PRPF18: variants seen among roughly 807,000 people sequenced by gnomAD.
PRPF18 encodes pre-mRNA processing factor 18.
In PRPF18, 38 loss-of-function variants were observed where a neutral mutation model predicts 46.5. The ratio of observed to expected loss-of-function variants is 0.82; its 90% CI spans 0.63 to 1.07. The LOEUF (loss-of-function observed/expected upper bound fraction) is 1.07, where lower values mean the gene tolerates loss of function less well. Among genes scored for constraint, PRPF18 ranks in the 50% least tolerant of loss-of-function variants. The pLI is 0.00. For missense variants in PRPF18, 263 were observed against 410.0 expected, an observed-to-expected ratio of 0.64 and a Z score of 3.10; for synonymous variants, 152 against 146.7, an observed-to-expected ratio of 1.04 and a Z score of -0.26.
chr10:13,643,996 T>C, the PRPF18 span: 1 of 152,670 alleles, frequency 6.6e-6, no homozygotes, highest in Non-Finnish European at 1.5e-5. Flanking sequence ...TTGACATTAA[T>C]GTATATGTAA....
intron 9 of PRPF18, among the ~76,000 whole-genome samples, chr10:13,625,636 C>T (rs1269143804): frequency 1.3e-5 from 2 of 152,102 alleles, no homozygotes; most frequent in Admixed American, 1.3e-4. Context: ...CTTAATACAG[C>T]GCAAATGAAT....
At chr10:13,648,071 G>C in the PRPF18 span, 1 of 152,260 alleles carries the variant, frequency 6.6e-6, no homozygotes. Context: ...TATTTCATTT[G>C]CTAACCTCTC....
chr10:13,615,137 G>A (rs1373159106), intron 8 of PRPF18, among the ~76,000 whole-genome samples: 1 of 152,206 alleles, frequency 6.6e-6, no homozygotes, highest in Non-Finnish European at 1.5e-5. Flanking sequence ...TCTGTCAGTT[G>A]CATGATTCTT....
the PRPF18 span, chr10:13,640,824 G>A: frequency 6.6e-6 from 1 of 152,566 alleles, no homozygotes; most frequent in African/African-American, 2.4e-5. Flanking sequence ...CATGATAGTA[G>A]CTGCCCTGGA....
intron 9 of PRPF18, among the ~76,000 whole-genome samples, chr10:13,629,213 G>A (rs1343787560): frequency 6.6e-6 from 1 of 152,182 alleles, no homozygotes; most frequent in Non-Finnish European, 1.5e-5. Context: ...TGTGTGTATT[G>A]TAGTTGTCTA....
At chr10:13,649,711 A>G in the PRPF18 span, 2 of 152,148 alleles carry the variant, frequency 1.3e-5, no homozygotes, top group African/African-American at 4.8e-5. Flanking sequence ...TGGGGAAGAG[A>G]CCCTTGTTCT....
chr10:13,591,982 G>A (rs1314222883), intron 1 of PRPF18: 21 of 942,308 alleles, frequency 2.2e-5, no homozygotes, highest in Non-Finnish European at 3.3e-5. Context: ...TCTTCAGTAG[G>A]AAAATATCTA....
At chr10:13,622,759 A>G (rs1194433576) in intron 9 of PRPF18, among the ~76,000 whole-genome samples, 1 of 152,176 alleles carries the variant, frequency 6.6e-6, no homozygotes, top group Non-Finnish European at 1.5e-5. Context: ...TGTATGTTTA[A>G]TACTTACAGT....
intron 9 of PRPF18, among the ~76,000 whole-genome samples, chr10:13,626,310 G>C (rs1169820836): frequency 2.0e-5 from 3 of 152,162 alleles, no homozygotes; most frequent in African/African-American, 7.2e-5. Flanking sequence ...ATATTCCCTG[G>C]CATGTCTGAT....
intron 1 of PRPF18, among the ~76,000 whole-genome samples, chr10:13,594,621 C>T (rs2080008966): frequency 6.6e-6 from 1 of 152,146 alleles, no homozygotes; most frequent in East Asian, 1.9e-4. Flanking sequence ...TTAATGTTGA[C>T]ATTTTTGATT....
downstream of PRPF18, among the ~76,000 whole-genome samples, chr10:13,634,524 G>A (rs2080618102): frequency 6.6e-6 from 1 of 152,170 alleles, no homozygotes; most frequent in Non-Finnish European, 1.5e-5. Flanking sequence ...TTGCCTTTGC[G>A]GTCAACTGCT....
downstream of PRPF18, among the ~76,000 whole-genome samples, chr10:13,633,462 G>A (rs757184853): frequency 2.0e-5 from 3 of 152,106 alleles, no homozygotes; most frequent in African/African-American, 4.8e-5. Context: ...TAATGTATCC[G>A]GAAAGAAAGC....
intron 6 of PRPF18, among the ~76,000 whole-genome samples, chr10:13,612,907 G>A (rs1007729892): frequency 6.6e-6 from 1 of 152,102 alleles, no homozygotes; most frequent in East Asian, 1.9e-4. Flanking sequence ...TCTAGATAGA[G>A]TATGAACAAA....
intron 9 of PRPF18, among the ~76,000 whole-genome samples, chr10:13,624,758 C>T (rs924790151): frequency 1.3e-5 from 2 of 152,228 alleles, no homozygotes; most frequent in African/African-American, 4.8e-5. Flanking sequence ...CAAGAGAAAG[C>T]ATCTGAGTTA....
At chr10:13,597,382 A>G (rs1325170622) in intron 1 of PRPF18, 76 bp from the exon 2 acceptor site, 3 of 980,730 alleles carry the variant, frequency 3.1e-6, no homozygotes, top group Admixed American at 6.0e-5. Flanking sequence ...AAAGTTTTCT[A>G]AAGGTATTTG....
At chr10:13,606,756 A>AAAAAAAAAC (rs2080191906) in intron 4 of PRPF18, among the ~76,000 whole-genome samples, 1 of 148,346 alleles carries the variant, frequency 6.7e-6, no homozygotes, top group Non-Finnish European at 1.5e-5. Flanking sequence ...AAAAAAAAAA[A>AAAAAAAAAC]AACAGGGATA....
chr10:13,605,526 G>A (rs1485916683), intron 3 of PRPF18, 105 bp from the exon 4 acceptor site: 1 of 1,192,606 alleles, frequency 8.4e-7, no homozygotes, highest in Non-Finnish European at 1.1e-6. Context: ...AGCTTGCAGT[G>A]AGCCGAGATC....
At chr10:13,609,487 A>G (rs995139899) in intron 4 of PRPF18, among the ~76,000 whole-genome samples, 26 of 152,178 alleles carry the variant, frequency 1.7e-4, no homozygotes, top group African/African-American at 6.0e-4. Context: ...ATTCTCATTC[A>G]TTTTTAGGAA....
intron 9 of PRPF18, among the ~76,000 whole-genome samples, chr10:13,619,980 C>T (rs992002507): frequency 5.3e-5 from 8 of 151,836 alleles, no homozygotes; most frequent in South Asian, 2.1e-4. Flanking sequence ...CAGAAGAATG[C>T]GGCCACCCTA....
Sources: allele counts gnomAD v4.1 joint callset (sites outside exome capture counted in the v4.1 genomes callset), GRCh38; gene constraint gnomAD v4.1.1; transcripts MANE v1.5; gene names NCBI Gene and HGNC (gene_info 2026-07-23, HGNC 2026-07-21).